CFAP47: variants seen among roughly 807,000 people sequenced by gnomAD.
CFAP47 encodes cilia- and flagella-associated protein 47.
In CFAP47, 29 loss-of-function variants were observed where a neutral mutation model predicts 148.1. The observed-to-expected ratio is 0.20, with a 90% CI of 0.15 to 0.27. The LOEUF is 0.27. Ranked by LOEUF, CFAP47 falls within the 10% of genes least tolerant of loss-of-function variation. The pLI is 1.00. For synonymous variants in CFAP47, 664 were observed against 577.3 expected, an observed-to-expected ratio of 1.15 and a Z score of -2.15; for missense variants, 1,872 against 1,697.5, an observed-to-expected ratio of 1.10 and a Z score of -1.81.
chrX:36,336,845 A>C (rs1941610618), intron 57 of CFAP47, among the ~76,000 whole-genome samples: 2 of 112,112 alleles, frequency 1.8e-5, no homozygotes, highest in South Asian at 3.7e-4. Context: ...AAGGTCTTCA[A>C]GGACCCAGTG....
intron 27 of CFAP47, 71 bp from the exon 28 acceptor site, chrX:36,071,754 G>T: frequency 1.1e-6 from 1 of 925,025 alleles, no homozygotes; most frequent in Non-Finnish European, 1.5e-6. Context: ...GATAAACTCA[G>T]GTTAAATAAT....
intron 26 of CFAP47, among the ~76,000 whole-genome samples, chrX:36,048,337 G>A (rs1937490477): frequency 8.9e-6 from 1 of 111,862 alleles, no homozygotes. Context: ...ATGGATGTCA[G>A]TGTGTTAGGT....
At chrX:36,276,479 C>A (rs781850164) in intron 49 of CFAP47, among the ~76,000 whole-genome samples, 263 of 111,694 alleles carry the variant, frequency 2.4e-3, no homozygotes, top group Non-Finnish European at 4.0e-3. Flanking sequence ...ATATAATGTG[C>A]TTATTAAATT....
At chrX:36,106,693 G>T (rs1601980839) in intron 33 of CFAP47, among the ~76,000 whole-genome samples, 1 of 111,894 alleles carries the variant, frequency 8.9e-6, no homozygotes, top group Non-Finnish European at 1.9e-5. Flanking sequence ...TAAACTTATA[G>T]ATGTATTACT....
At chrX:36,267,938 G>A (rs1217376496) in intron 49 of CFAP47, among the ~76,000 whole-genome samples, 1 of 112,746 alleles carries the variant, frequency 8.9e-6, no homozygotes, top group Non-Finnish European at 1.9e-5. Context: ...CCTATGCTCT[G>A]ATGTTTCATG....
intron 48 of CFAP47, among the ~76,000 whole-genome samples, chrX:36,242,228 A>T (rs985401235): frequency 1.8e-5 from 2 of 112,256 alleles, no homozygotes; most frequent in Non-Finnish European, 3.8e-5. Flanking sequence ...GATAAGAAAG[A>T]ATCAATGCAA....
At chrX:36,092,206 A>G (rs927221423) in intron 30 of CFAP47, among the ~76,000 whole-genome samples, 1 of 111,597 alleles carries the variant, frequency 9.0e-6, no homozygotes, top group South Asian at 3.7e-4. Context: ...TACTGCTTCA[A>G]ATATGCTACC....
At chrX:35,941,070 C>G (rs995014853) in intron 2 of CFAP47, among the ~76,000 whole-genome samples, 2 of 111,629 alleles carry the variant, frequency 1.8e-5, no homozygotes, top group Non-Finnish European at 3.8e-5. Flanking sequence ...TGCATAAAGT[C>G]TCATTTCTTT....
At chrX:36,017,936 C>G (rs776463265) in intron 22 of CFAP47, among the ~76,000 whole-genome samples, 12 of 110,966 alleles carry the variant, frequency 1.1e-4, no homozygotes, top group Non-Finnish European at 2.3e-4. Flanking sequence ...ATTAGATTGA[C>G]TCTGTAGATT....
chrX:36,188,154 T>G (rs1166396326), intron 40 of CFAP47, among the ~76,000 whole-genome samples: 2 of 111,684 alleles, frequency 1.8e-5, no homozygotes, highest in African/African-American at 6.5e-5. Flanking sequence ...AATTCCGAAG[T>G]CTTCTTATAC....
chrX:36,084,549 T>C (rs1179702053), intron 29 of CFAP47, among the ~76,000 whole-genome samples: 2 of 111,857 alleles, frequency 1.8e-5, no homozygotes, highest in Non-Finnish European at 3.8e-5. Flanking sequence ...TGGCCTCGGG[T>C]ACTTATTTGT....
chrX:35,968,972 GATATATCTATGTATCTACAT>G (rs1936450507), intron 10 of CFAP47, among the ~76,000 whole-genome samples: 2 of 109,049 alleles, frequency 1.8e-5, no homozygotes, highest in African/African-American at 6.7e-5. Context: ...TCTATATAGA[GATATATCTATGTATCTACAT>G]ATGTATATAT....
intron 57 of CFAP47, among the ~76,000 whole-genome samples, chrX:36,330,237 T>TAG (rs1941553290): frequency 9.0e-6 from 1 of 111,673 alleles, no homozygotes; most frequent in Non-Finnish European, 1.9e-5. Flanking sequence ...GATTGCTGCA[T>TAG]TAATACTGAG....
At chrX:36,258,690 T>A (rs1940782578) in intron 49 of CFAP47, among the ~76,000 whole-genome samples, 1 of 112,129 alleles carries the variant, frequency 8.9e-6, no homozygotes, top group Admixed American at 9.5e-5. Flanking sequence ...TATTTCCATG[T>A]TGCATAAATA....
chrX:36,260,430 G>C (rs187870889), intron 49 of CFAP47, among the ~76,000 whole-genome samples: 1 of 111,885 alleles, frequency 8.9e-6, no homozygotes, highest in Non-Finnish European at 1.9e-5. Context: ...AGATTGGTGT[G>C]AGATGGTATC....
At chrX:36,314,042 G>C (rs782203370) in intron 56 of CFAP47, among the ~76,000 whole-genome samples, 2 of 110,717 alleles carry the variant, frequency 1.8e-5, no homozygotes, top group Non-Finnish European at 3.8e-5. Flanking sequence ...GAGATAATAC[G>C]GTATAAATTA....
At chrX:35,978,835 C>A (rs1378834464) in intron 15 of CFAP47, among the ~76,000 whole-genome samples, 2 of 111,615 alleles carry the variant, frequency 1.8e-5, no homozygotes, top group African/African-American at 6.5e-5. Context: ...ATGCCTCTCT[C>A]TATATTTTTA....
chrX:36,240,666 G>C (rs1344605406), intron 48 of CFAP47, among the ~76,000 whole-genome samples: 1 of 110,888 alleles, frequency 9.0e-6, no homozygotes, highest in Non-Finnish European at 1.9e-5. Flanking sequence ...ATGACTTACA[G>C]TAGTTCTACA....
intron 2 of CFAP47, among the ~76,000 whole-genome samples, chrX:35,934,001 AT>A (rs1310529286): frequency 9.0e-6 from 1 of 111,018 alleles, no homozygotes; most frequent in Non-Finnish European, 1.9e-5. Context: ...GTTTGCAAAT[AT>A]TTTTCCCATA....
Sources: gnomAD v4.1 joint callset for allele counts (sites outside exome capture counted in the v4.1 genomes callset) on GRCh38, gnomAD v4.1.1 for gene constraint, MANE v1.5 for transcripts, NCBI Gene and HGNC (gene_info 2026-07-23, HGNC 2026-07-21) for gene names.